Variants in GOLGA8B observed in about 807,000 individuals in gnomAD.
GOLGA8B encodes the protein golgin A8 family member B, also known as golgin subfamily A member 8B.
Under a neutral mutation model 15.6 loss-of-function variants are expected in GOLGA8B, and 1 was observed. That is an observed-to-expected ratio of 0.06 (90% CI 0.02 to 0.30). GOLGA8B has a LOEUF of 0.30. GOLGA8B is among the 10% of genes least tolerant of loss of function. The pLI is 1.00. For synonymous variants in GOLGA8B, 9 were observed against 80.3 expected (o/e 0.11, Z 4.75); for missense variants, 17 against 201.3 (o/e 0.08, Z 5.54).
chr15:34,564,158 C>T (rs1041145658), intron 1 of GOLGA8B, among the ~76,000 whole-genome samples: 2 of 144,954 alleles, frequency 1.4e-5, no homozygotes, highest in African/African-American at 5.0e-5. Flanking sequence ...GGGGGTGTTA[C>T]TAAACGTCCT....
At chr15:34,567,969 C>A (rs542689619) in intron 1 of GOLGA8B, among the ~76,000 whole-genome samples, 4 of 151,356 alleles carry the variant, frequency 2.6e-5, no homozygotes, top group African/African-American at 9.8e-5. Flanking sequence ...AGGAAGGATA[C>A]GACTGAAACT....
intron 1 of GOLGA8B, among the ~76,000 whole-genome samples, chr15:34,572,707 C>A (rs1888954664): frequency 6.6e-6 from 1 of 152,176 alleles, no homozygotes; most frequent in South Asian, 2.1e-4. Flanking sequence ...GGGAAGCTTT[C>A]ATTTTCTATT....
intron 1 of GOLGA8B, among the ~76,000 whole-genome samples, chr15:34,559,995 T>C (rs1211675223): frequency 1.3e-5 from 2 of 149,536 alleles, no homozygotes; most frequent in Non-Finnish European, 3.0e-5. Flanking sequence ...CAGGAGGACA[T>C]TCAAGACCAA....
chr15:34,574,355 G>A (rs1250942913), intron 1 of GOLGA8B, among the ~76,000 whole-genome samples: 1 of 151,404 alleles, frequency 6.6e-6, no homozygotes, highest in Non-Finnish European at 1.5e-5. Flanking sequence ...ACCCAGGGGA[G>A]GGCAGTGGCA....
At chr15:34,568,902 C>T (rs2140349251) in intron 1 of GOLGA8B, among the ~76,000 whole-genome samples, 1 of 144,196 alleles carries the variant, frequency 6.9e-6, no homozygotes, top group South Asian at 2.1e-4. Flanking sequence ...TCTGCCATGC[C>T]TGCTACTTGG....
chr15:34,554,443 TAC>T (rs1450043443), intron 1 of GOLGA8B, among the ~76,000 whole-genome samples: 4 of 128,844 alleles, frequency 3.1e-5, no homozygotes, highest in South Asian at 2.7e-4. Flanking sequence ...CCACACACAT[TAC>T]ACACACTGCA....
In GOLGA8B at chr15:34,527,250, G is replaced by C; in HGVS notation, c.*382C>G. 2.9e-6 allele frequency: 1 copy of C among 344,596 alleles called. No individual in the cohort carries two copies. 21.3% of individuals were successfully genotyped at this position (344,596 alleles called of 1,614,324 possible). ...GCAAATTTTATCTGAATTCTGTAAT[G>C]AACATCCATGCTGCAATAACATTAA... On this transcript the variant is annotated 3_prime_UTR_variant, in exon 24 of 24. Transcript: ENST00000683415.
chr15:34,572,067 A>G (rs72724896), intron 1 of GOLGA8B, among the ~76,000 whole-genome samples: 3 of 152,256 alleles, frequency 2.0e-5, no homozygotes, highest in Non-Finnish European at 2.9e-5. Context: ...ACAGCTTGTT[A>G]TCATTCACAA....
chr15:34,575,379 C>T (rs902736897), intron 1 of GOLGA8B, among the ~76,000 whole-genome samples: 1 of 151,700 alleles, frequency 6.6e-6, no homozygotes, highest in African/African-American at 2.4e-5. Flanking sequence ...CCGCGTCTTC[C>T]TCCCATGCTC....
Position 34,526,258 on chromosome 15 carries a change from C to T in GOLGA8B, c.*1374G>A, listed in dbSNP as rs1059885. 1 of 149,408 alleles carries T rather than the reference C, an allele frequency of 6.7e-6. No individual in the cohort carries two copies. The highest frequency in any genetic ancestry group is 2.5e-5 in the African/African-American group (1 of 40,320). 9.3% of individuals were successfully genotyped at this position (149,408 alleles called of 1,614,324 possible). A position where few individuals can be genotyped will look rare whatever the true frequency, so the allele number is the denominator to read the frequency against. Reference sequence around the variant, plus strand: ...TTGCAGCACAGTGTGTAAACATTTTCAGTTGCATAAACTTCTCCTTGATTT... The same window carrying T: ...TTGCAGCACAGTGTGTAAACATTTTTAGTTGCATAAACTTCTCCTTGATTT... On this transcript the variant is annotated 3_prime_UTR_variant, in exon 24 of 24. Transcript: ENST00000683415.
chr15:34,581,053 G>A (rs1031750741), intron 1 of GOLGA8B, among the ~76,000 whole-genome samples: 6 of 152,190 alleles, frequency 3.9e-5, no homozygotes, highest in African/African-American at 1.4e-4. Flanking sequence ...GATCTCTGCC[G>A]AAGACATTGA....
intron 1 of GOLGA8B, among the ~76,000 whole-genome samples, chr15:34,580,267 G>A (rs556403894): frequency 3.3e-5 from 5 of 152,304 alleles, no homozygotes; most frequent in Non-Finnish European, 7.4e-5. Context: ...GGAGCCAGGA[G>A]AGCCTGGAGG....
In GOLGA8B at chr15:34,550,928, A is replaced by C. The variant is rs539720929; in HGVS notation, c.-575+210T>G. Among the ~76,000 whole-genome samples, 33 of 95,990 alleles carry C rather than the reference A, an allele frequency of 3.4e-4. 9 individuals are homozygous for C. Among genetic ancestry groups the C allele is most frequent in the Admixed American group, 2.2e-3 (18 of 8,310 alleles). 63.0% of individuals were successfully genotyped at this position (95,990 alleles called of 152,430 possible). A position where few individuals can be genotyped will look rare whatever the true frequency, so the allele number is the denominator to read the frequency against. On this transcript the variant is annotated intron_variant, in intron 4 of 23. Transcript: ENST00000683415. ...GAGGATCACTGGAGCCCAGGAGATC[A>C]AGGCTTCAGTGAACTATGATTGTGC... is the stretch of plus-strand genomic sequence containing the variant.
intron 1 of GOLGA8B, among the ~76,000 whole-genome samples, chr15:34,581,893 G>A (rs538854058): frequency 2.0e-5 from 3 of 152,228 alleles, no homozygotes; most frequent in South Asian, 2.1e-4. Flanking sequence ...CCCAGCCAGG[G>A]AGCCCACTCC....
intron 1 of GOLGA8B, among the ~76,000 whole-genome samples, chr15:34,573,792 G>A (rs1888990778): frequency 6.6e-6 from 1 of 151,914 alleles, no homozygotes; most frequent in Admixed American, 6.5e-5. Flanking sequence ...ACAGAATTCA[G>A]CAGCTTTTCC....
At chr15:34,571,154 C>T (rs1459321989) in intron 1 of GOLGA8B, among the ~76,000 whole-genome samples, 3 of 151,408 alleles carry the variant, frequency 2.0e-5, no homozygotes, top group Non-Finnish European at 4.4e-5. Context: ...GGAAAAACCC[C>T]ACCTCTACAA....
chr15:34,565,131 T>TTG (rs1888725054), intron 1 of GOLGA8B, among the ~76,000 whole-genome samples: 1 of 92,904 alleles, frequency 1.1e-5, no homozygotes. Context: ...TTAGATCCAG[T>TTG]TCTCTTTTTT....
At chr15:34,577,391 G>C (rs1285040508) in intron 1 of GOLGA8B, among the ~76,000 whole-genome samples, 1 of 151,930 alleles carries the variant, frequency 6.6e-6, no homozygotes, top group Non-Finnish European at 1.5e-5. Context: ...AACGATACTT[G>C]TTTATTAAAT....
At chr15:34,581,183 T>C (rs1889221677) in intron 1 of GOLGA8B, among the ~76,000 whole-genome samples, 1 of 152,156 alleles carries the variant, frequency 6.6e-6, no homozygotes, top group Non-Finnish European at 1.5e-5. Context: ...CCCACACCTG[T>C]TAAGTCACTG....
Sources: allele counts gnomAD v4.1 joint callset (sites outside exome capture counted in the v4.1 genomes callset), GRCh38; gene constraint gnomAD v4.1.1; transcripts MANE v1.5; gene names NCBI Gene and HGNC (gene_info 2026-07-23, HGNC 2026-07-21).